The following COL23A1 variants were observed in gnomAD, a reference collection of about 807,000 sequenced individuals.
COL23A1 encodes the protein collagen type XXIII alpha 1 chain.
In COL23A1, 97 loss-of-function variants were observed where a neutral mutation model predicts 99.3. That is an observed-to-expected ratio of 0.98 (90% CI 0.83 to 1.16). The LOEUF (loss-of-function observed/expected upper bound fraction) is 1.16. COL23A1 is among the 50% of genes most tolerant of loss of function. COL23A1 has a pLI of 0.00. For missense variants in COL23A1, 762 were observed against 757.4 expected, an observed-to-expected ratio of 1.01 and a Z score of -0.07; for synonymous variants, 320 against 308.2, an observed-to-expected ratio of 1.04 and a Z score of -0.40.
Position 178,246,302 on chromosome 5 carries a change from TG to T in COL23A1, c.1364del (p.Pro455GlnfsTer25), listed in dbSNP as rs1193354329. 1.3e-6 allele frequency: 2 copies of T among 1,556,370 alleles called. No individual in the cohort carries two copies. Among genetic ancestry groups the T allele is most frequent in the Non-Finnish European group, 1.7e-6 (2 of 1,149,140 alleles). ...GCCCAATAAGGCCCGGTGGGCCAAC[TG>T]GCCCCTGGATAGAAAAGGAATGAGT... Reference protein sequence around the residue: ...GERGPSGLPGPVGPPGLIGLP... With the variant: ...GERGPSGLPGXVGPPGLIGLP... On this transcript the variant is annotated frameshift_variant, in exon 24 of 29. Transcript: ENST00000390654. LOFTEE classifies it high-confidence loss of function.
intron 2 of COL23A1, among the ~76,000 whole-genome samples, chr5:178,450,709 CAA>C (rs1380968188): frequency 6.6e-6 from 1 of 152,186 alleles, no homozygotes; most frequent in African/African-American, 2.4e-5. Context: ...TGTTGAATAT[CAA>C]ACTCGTGCCA....
intron 2 of COL23A1, among the ~76,000 whole-genome samples, chr5:178,557,353 C>G (rs1471900653): frequency 6.6e-6 from 1 of 152,198 alleles, no homozygotes; most frequent in Admixed American, 6.5e-5. Context: ...TTCACAGGTA[C>G]TGGGGGTTAG....
At chr5:178,316,073 T>C (rs937414897) in intron 2 of COL23A1, among the ~76,000 whole-genome samples, 1 of 152,186 alleles carries the variant, frequency 6.6e-6, no homozygotes, top group Non-Finnish European at 1.5e-5. Context: ...TAGAGAGGTA[T>C]TTGTTTAAGC....
intron 1 of COL23A1, among the ~76,000 whole-genome samples, chr5:178,566,422 CA>C (rs1473826298): frequency 5.9e-5 from 9 of 152,158 alleles, no homozygotes; most frequent in Non-Finnish European, 1.0e-4. Flanking sequence ...GCTAGAATAA[CA>C]AATCTAACTA....
chr5:178,251,223 A>G (rs1765016800), intron 17 of COL23A1, among the ~76,000 whole-genome samples: 1 of 152,074 alleles, frequency 6.6e-6, no homozygotes, highest in Admixed American at 6.6e-5. Context: ...GTGTTTCACC[A>G]TATTGGCCAG....
At chr5:178,400,366 C>CA (rs58417444) in intron 2 of COL23A1, among the ~76,000 whole-genome samples, 23,952 of 62,670 alleles carry the variant, frequency 0.38, 5,367 homozygotes, top group South Asian at 0.5. Flanking sequence ...GACTCCGTCT[C>CA]AAAAAAAAAA....
intron 2 of COL23A1, among the ~76,000 whole-genome samples, chr5:178,505,915 C>A (rs894332413): frequency 3.3e-5 from 5 of 151,888 alleles, no homozygotes; most frequent in Non-Finnish European, 5.9e-5. Context: ...GACAGCAGAC[C>A]CCAAGGAGAA....
chr5:178,508,659 T>A (rs921685047), intron 2 of COL23A1, among the ~76,000 whole-genome samples: 3 of 152,200 alleles, frequency 2.0e-5, no homozygotes, highest in Non-Finnish European at 4.4e-5. Context: ...TCCTCACTAC[T>A]GATACCATCG....
At chr5:178,245,123 CCATCCATCCACTCATCATCTAT>C (rs1348024324) in intron 25 of COL23A1, among the ~76,000 whole-genome samples, 46 of 150,550 alleles carry the variant, frequency 3.1e-4, no homozygotes, top group African/African-American at 9.8e-4. Context: ...CCATCATCAT[CCATCCATCCACTCATCATCTAT>C]CATCCATCCA....
At chr5:178,557,013 C>T (rs975102894) in intron 2 of COL23A1, among the ~76,000 whole-genome samples, 32 of 152,270 alleles carry the variant, frequency 2.1e-4, no homozygotes, top group African/African-American at 7.5e-4. Context: ...CACAGGTCTG[C>T]CGTGGCAAAA....
intron 2 of COL23A1, among the ~76,000 whole-genome samples, chr5:178,403,792 G>T (rs1764601756): frequency 6.6e-6 from 1 of 152,224 alleles, no homozygotes; most frequent in South Asian, 2.1e-4. Flanking sequence ...CCAAAGGAAA[G>T]AAAAGAACAA....
intron 2 of COL23A1, among the ~76,000 whole-genome samples, chr5:178,501,351 G>C (rs958854700): frequency 5.9e-5 from 9 of 152,146 alleles, no homozygotes; most frequent in Admixed American, 5.9e-4. Context: ...GGGAGGCCTG[G>C]GTGGGTGAAT....
rs1765051524 is a variant in COL23A1 at position 178,411,443 on chromosome 5, T to C, written c.362-104524A>G. Among the ~76,000 whole-genome samples the C allele has an allele frequency of 2.0e-5, 3 of 152,170 alleles. No individual in the cohort carries two copies. The South Asian group carries it at 6.2e-4, about 31-fold the overall frequency. ...AACAAACTGTGATACACACATGGAA[T>C]GAAATTATTATTTATCCATAAAAGG... On this transcript the variant is annotated intron_variant, in intron 2 of 28. Transcript: ENST00000390654.
At chr5:178,339,783 C>G (rs1046697106) in intron 2 of COL23A1, among the ~76,000 whole-genome samples, 8 of 152,174 alleles carry the variant, frequency 5.3e-5, no homozygotes. Flanking sequence ...TTCTTGAACT[C>G]AAGGGCTTCT....
At chr5:178,581,745 T>A (rs1258249690) in intron 1 of COL23A1, among the ~76,000 whole-genome samples, 4 of 152,074 alleles carry the variant, frequency 2.6e-5, no homozygotes, top group Non-Finnish European at 5.9e-5. Flanking sequence ...GATAGTAGGA[T>A]GCAGATTTTC....
chr5:178,464,932 A>G (rs1378835204), intron 2 of COL23A1, among the ~76,000 whole-genome samples: 1 of 152,226 alleles, frequency 6.6e-6, no homozygotes, highest in African/African-American at 2.4e-5. Context: ...CTCTAAGCTC[A>G]GTCTCCTTCC....
rs568786405 is a variant in COL23A1, at chr5:178,405,401, T to C, written c.362-98482A>G. Among the ~76,000 whole-genome samples the C allele has an allele frequency of 1.3e-3, 195 of 152,368 alleles. 1 individual carries two copies. Among genetic ancestry groups the C allele is most frequent in the African/African-American group, 4.4e-3 (184 of 41,588 alleles). ...TTTTTGTATTTTCTTTCTGACCCAA[T>C]AGTTTTAGGAGATTGTAAATCTCCA... On this transcript the variant is annotated intron_variant, in intron 2 of 28. Coordinates refer to ENST00000390654, the MANE Select transcript of COL23A1 (RefSeq NM_173465.4).
chr5:178,298,651 A>G (rs1015153583), intron 3 of COL23A1, among the ~76,000 whole-genome samples: 3 of 152,066 alleles, frequency 2.0e-5, no homozygotes, highest in African/African-American at 7.2e-5. Context: ...TTCCTCTCCC[A>G]TTCAGCCAGC....
intron 2 of COL23A1, among the ~76,000 whole-genome samples, chr5:178,414,401 T>C (rs1023158801): frequency 1.1e-5 from 1 of 88,880 alleles, no homozygotes; most frequent in Non-Finnish European, 2.0e-5. Context: ...ACTACAAATA[T>C]CCTTTTTTTA....
Sources: allele counts gnomAD v4.1 joint callset (sites outside exome capture counted in the v4.1 genomes callset), GRCh38; gene constraint gnomAD v4.1.1; transcripts MANE v1.5; gene names NCBI Gene and HGNC (gene_info 2026-07-23, HGNC 2026-07-21).